Variants in CFAP299 observed in about 807,000 individuals in gnomAD.
CFAP299 encodes the protein cilia and flagella associated protein 299.
A neutral mutation model predicts 27.0 loss-of-function variants in CFAP299; 21 were observed. The ratio of observed to expected loss-of-function variants is 0.78; its 90% CI spans 0.55 to 1.12. The LOEUF is 1.12. Among genes scored for constraint, CFAP299 ranks in the 50% most tolerant of loss-of-function variants. CFAP299 has a pLI of 0.00. For synonymous variants in CFAP299, 104 were observed against 98.1 expected (o/e 1.06, Z -0.36); for missense variants, 310 against 276.6 (o/e 1.12, Z -0.86).
Position 80,440,802 on chromosome 4 carries a change from A to G in CFAP299, c.242+77918A>G, listed in dbSNP as rs924578378. Among the ~76,000 whole-genome samples the G allele has an allele frequency of 5.9e-5, 9 of 152,248 alleles. 1 individual carries two copies. The highest frequency in any genetic ancestry group is 2.2e-4 in the African/African-American group (9 of 41,480). On this transcript the variant is annotated intron_variant, in intron 2 of 5. Coordinates refer to ENST00000358105, the MANE Select transcript of CFAP299 (RefSeq NM_152770.3). The stretch of plus-strand genomic sequence containing the variant: ...ATTCTAACCCAGTGCAAGGAAGCTA[A>G]GAACCTTGATAAAGGGTTACAGGAA...
At chr4:80,451,681 T>G (rs1728912202) in intron 2 of CFAP299, among the ~76,000 whole-genome samples, 1 of 152,220 alleles carries the variant, frequency 6.6e-6, no homozygotes, top group South Asian at 2.1e-4. Context: ...TTTCCTTTCC[T>G]CTTTTGGCTG....
At chr4:80,716,935 G>A (rs561891694) in intron 3 of CFAP299, among the ~76,000 whole-genome samples, 1 of 152,100 alleles carries the variant, frequency 6.6e-6, no homozygotes, top group Non-Finnish European at 1.5e-5. Flanking sequence ...TGATTTTCTG[G>A]TGTCTACTTC....
At chr4:80,386,517 G>GA in intron 2 of CFAP299, 2 of 1,489,396 alleles carry the variant, frequency 1.3e-6, no homozygotes, top group Non-Finnish European at 1.8e-6. Context: ...GGTGGTGGGG[G>GA]GGGGGGGTGC....
chr4:80,825,962 T>C (rs980127721), intron 3 of CFAP299, among the ~76,000 whole-genome samples: 4 of 151,906 alleles, frequency 2.6e-5, no homozygotes, highest in Non-Finnish European at 4.4e-5. Context: ...GTAACTTTGG[T>C]GGTAATTTTA....
At chr4:80,489,031 T>A (rs1463629596) in intron 2 of CFAP299, among the ~76,000 whole-genome samples, 1 of 152,236 alleles carries the variant, frequency 6.6e-6, no homozygotes, top group East Asian at 1.9e-4. Context: ...AATTACTTCA[T>A]ATTCCTTGTC....
chr4:80,634,271 C>G (rs1003399440), intron 3 of CFAP299, among the ~76,000 whole-genome samples: 2 of 152,012 alleles, frequency 1.3e-5, no homozygotes, highest in African/African-American at 4.8e-5. Context: ...TGTGAGCCAC[C>G]GCACATGGCC....
chr4:80,746,658 G>A (rs1243623317), intron 3 of CFAP299, among the ~76,000 whole-genome samples: 2 of 151,882 alleles, frequency 1.3e-5, no homozygotes, highest in East Asian at 3.9e-4. Flanking sequence ...GCACCCTTGA[G>A]CAACTGACGA....
At chr4:80,534,978 TTTAC>T (rs1733654636) in intron 2 of CFAP299, among the ~76,000 whole-genome samples, 1 of 152,184 alleles carries the variant, frequency 6.6e-6, no homozygotes, top group Non-Finnish European at 1.5e-5. Context: ...CTATAGAGTG[TTTAC>T]TTGATTTCTG....
intron 2 of CFAP299, among the ~76,000 whole-genome samples, chr4:80,410,352 T>C (rs1159630178): frequency 6.6e-6 from 1 of 152,160 alleles, no homozygotes; most frequent in African/African-American, 2.4e-5. Flanking sequence ...TCCTCCCACC[T>C]CAGTGCAGGG....
At chr4:80,639,296 A>G (rs1028490925) in intron 3 of CFAP299, among the ~76,000 whole-genome samples, 2 of 152,196 alleles carry the variant, frequency 1.3e-5, no homozygotes, top group Non-Finnish European at 2.9e-5. Context: ...CAAATACTCT[A>G]AGGAGCTTAG....
chr4:80,809,000 AT>A (rs1266377817), intron 3 of CFAP299, among the ~76,000 whole-genome samples: 1 of 152,122 alleles, frequency 6.6e-6, no homozygotes, highest in Non-Finnish European at 1.5e-5. Flanking sequence ...GGAGAAACCA[AT>A]CCAAAGCAAA....
chr4:80,522,273 T>C (rs1433114027), intron 2 of CFAP299, among the ~76,000 whole-genome samples: 2 of 152,124 alleles, frequency 1.3e-5, no homozygotes, highest in Non-Finnish European at 2.9e-5. Flanking sequence ...AACATCTTTT[T>C]ATATACTTGT....
chr4:80,368,487 A>G (rs1022972090), intron 2 of CFAP299, among the ~76,000 whole-genome samples: 1 of 152,144 alleles, frequency 6.6e-6, no homozygotes, highest in Non-Finnish European at 1.5e-5. Context: ...GTTTTTAACT[A>G]TAGAAGGTAG....
intron 5 of CFAP299, among the ~76,000 whole-genome samples, chr4:80,950,543 G>A (rs1271239434): frequency 6.6e-6 from 1 of 152,138 alleles, no homozygotes; most frequent in Non-Finnish European, 1.5e-5. Context: ...GTATGGTGAG[G>A]ACATGAGGAC....
intron 3 of CFAP299, among the ~76,000 whole-genome samples, chr4:80,656,142 A>C (rs1342372280): frequency 6.6e-6 from 1 of 152,172 alleles, no homozygotes; most frequent in African/African-American, 2.4e-5. Context: ...TAAGTCATTT[A>C]AAAATTGATA....
chr4:80,428,376 C>T (rs778785514), intron 2 of CFAP299, among the ~76,000 whole-genome samples: 25 of 152,150 alleles, frequency 1.6e-4, no homozygotes, highest in Non-Finnish European at 3.4e-4. Flanking sequence ...CTGTAGTAAT[C>T]TGCACCTCCA....
chr4:80,466,671 C>G (rs757433159), intron 2 of CFAP299, among the ~76,000 whole-genome samples: 5 of 152,178 alleles, frequency 3.3e-5, no homozygotes, highest in Admixed American at 1.3e-4. Flanking sequence ...CTCCAAACCA[C>G]AGAGTCAGCA....
rs770049466 is a variant in CFAP299, at chr4:80,858,386, GT to G, written c.334-11600del. Among the ~76,000 whole-genome samples, 1,163 of 152,056 alleles carry G rather than the reference GT, an allele frequency of 7.6e-3. 6 individuals carry two copies. The highest frequency in any genetic ancestry group is 0.013 in the Non-Finnish European group (882 of 67,982). ...CCTGGATTCATTAATTTTTTGAAGG[GT>G]TTTTTTGTATCTCTATTTCCTTCAG... On this transcript the variant is annotated intron_variant, in intron 3 of 5. Coordinates refer to ENST00000358105, the MANE Select transcript of CFAP299 (RefSeq NM_152770.3).
chr4:80,813,095 T>G (rs1354207375), intron 3 of CFAP299, among the ~76,000 whole-genome samples: 1 of 152,090 alleles, frequency 6.6e-6, no homozygotes, highest in Non-Finnish European at 1.5e-5. Flanking sequence ...TTGAAACTAT[T>G]TTCACATATT....
Sources: allele counts gnomAD v4.1 joint callset (sites outside exome capture counted in the v4.1 genomes callset), GRCh38; gene constraint gnomAD v4.1.1; transcripts MANE v1.5; gene names NCBI Gene and HGNC (gene_info 2026-07-23, HGNC 2026-07-21).